Variants in EVA1A observed in about 807,000 individuals in gnomAD.
EVA1A encodes eva-1 homolog A, regulator of programmed cell death, also known as protein eva-1 homolog A.
EVA1A carries 7 observed loss-of-function variants against 9.8 expected under a neutral mutation model. The ratio of observed to expected loss-of-function variants is 0.71; its 90% CI spans 0.41 to 1.34. The LOEUF is 1.34. EVA1A is among the 40% of genes most tolerant of loss of function. The pLI is 0.01. For missense variants in EVA1A, 206 were observed against 205.9 expected (o/e 1.00, Z 0.00); for synonymous variants, 90 against 85.6 (o/e 1.05, Z -0.28).
chr2:75,525,876 C>T (rs1448744436), intron 1 of EVA1A, among the ~76,000 whole-genome samples: 1 of 152,230 alleles, frequency 6.6e-6, no homozygotes, highest in Non-Finnish European at 1.5e-5. Flanking sequence ...CTGAAGCCTT[C>T]ACTTAGCACT....
At chr2:75,557,709 G>T (rs1357906699) in intron 1 of EVA1A, among the ~76,000 whole-genome samples, 2 of 152,198 alleles carry the variant, frequency 1.3e-5, no homozygotes, top group African/African-American at 4.8e-5. Context: ...TCCTCTTCTA[G>T]CCCTGACTAT....
intron 3 of EVA1A, among the ~76,000 whole-genome samples, chr2:75,507,669 G>C (rs796257647): frequency 6.6e-6 from 1 of 152,106 alleles, no homozygotes; most frequent in Non-Finnish European, 1.5e-5. Context: ...AGCCCAAACT[G>C]TTCCTCAATC....
intron 1 of EVA1A, among the ~76,000 whole-genome samples, chr2:75,559,199 A>T (rs1037883167): frequency 1.3e-5 from 2 of 152,194 alleles, no homozygotes; most frequent in African/African-American, 2.4e-5. Context: ...TGTGCAATAC[A>T]GGATGTGGCA....
intron 1 of EVA1A, among the ~76,000 whole-genome samples, chr2:75,558,111 G>T (rs1341147388): frequency 6.6e-6 from 1 of 152,078 alleles, no homozygotes; most frequent in Non-Finnish European, 1.5e-5. Flanking sequence ...CTGGAAAAAA[G>T]GGCAATACCA....
intron 1 of EVA1A, among the ~76,000 whole-genome samples, chr2:75,548,114 CTT>C (rs1314095190): frequency 6.6e-6 from 1 of 152,224 alleles, no homozygotes; most frequent in Admixed American, 6.5e-5. Flanking sequence ...CCTTGCCTGT[CTT>C]TCCTAGCTCA....
At chr2:75,511,348 T>C (rs1674804600) in intron 3 of EVA1A, among the ~76,000 whole-genome samples, 1 of 152,206 alleles carries the variant, frequency 6.6e-6, no homozygotes, top group Non-Finnish European at 1.5e-5. Flanking sequence ...GCTCTGTTTG[T>C]TGCTCAGTTT....
intron 1 of EVA1A, among the ~76,000 whole-genome samples, chr2:75,566,531 T>G (rs981717359): frequency 6.6e-6 from 1 of 152,214 alleles, no homozygotes; most frequent in Non-Finnish European, 1.5e-5. Context: ...CCTTTTTAAA[T>G]GTAATGTGCC....
intron 1 of EVA1A, among the ~76,000 whole-genome samples, chr2:75,528,505 C>T (rs1057104366): frequency 5.9e-5 from 9 of 152,142 alleles, no homozygotes; most frequent in Admixed American, 5.2e-4. Context: ...CGGCTTTCCC[C>T]GACTTCCCTG....
intron 1 of EVA1A, among the ~76,000 whole-genome samples, chr2:75,524,464 G>A (rs1675348503): frequency 6.6e-6 from 1 of 151,420 alleles, no homozygotes; most frequent in Non-Finnish European, 1.5e-5. Flanking sequence ...TCAACCTCAC[G>A]CCTAACTCCC....
At chr2:75,564,428 C>A (rs1676987437), upstream of EVA1A, among the ~76,000 whole-genome samples, 1 of 152,200 alleles carries the variant, frequency 6.6e-6, no homozygotes, top group African/African-American at 2.4e-5. Flanking sequence ...GTGTGAGCAG[C>A]CTTGCAGATG....
At chr2:75,545,117 T>C (rs1308645777) in intron 1 of EVA1A, among the ~76,000 whole-genome samples, 1 of 152,216 alleles carries the variant, frequency 6.6e-6, no homozygotes, top group Non-Finnish European at 1.5e-5. Context: ...ACATAAGATT[T>C]CATTGAAGAG....
At chr2:75,523,934 G>T (rs1323475273) in intron 1 of EVA1A, 1 of 152,104 alleles carries the variant, frequency 6.6e-6, no homozygotes, top group Non-Finnish European at 1.5e-5. Flanking sequence ...ATCCCCAACT[G>T]TTGTAGGAGG....
intron 3 of EVA1A, among the ~76,000 whole-genome samples, chr2:75,507,039 G>C (rs1376145793): frequency 1.3e-5 from 2 of 152,186 alleles, no homozygotes; most frequent in Non-Finnish European, 2.9e-5. Context: ...ATCTGTCCTG[G>C]ATCTGTGTTC....
rs1297683867 is a variant in EVA1A, at chr2:75,493,437, A to T, written c.258T>A (p.Asp86Glu). ...GATCGGACACGGTGTCCTCACTGCC[A>T]TCCTCGCTGTCGCTGCTGTCGCTGC... ...ESSSDSSDSE[D>E]GSEDTVSDLS... The change falls in exon 4 of 4, where the codon GAT becomes GAA. Residue 86 changes from aspartate (D) to glutamate (E), a missense_variant. Physicochemically the swap from Asp to Glu is conservative, Grantham distance 45. Coordinates refer to ENST00000393913, the MANE Select transcript of EVA1A (RefSeq NM_001135032.2). The T allele has an allele frequency of 3.1e-6, 5 of 1,613,604 alleles. No individual in the cohort carries two copies. The South Asian group carries it at 5.5e-5, about 18-fold the overall frequency.
At chr2:75,497,738 C>A (rs185179383) in intron 3 of EVA1A, among the ~76,000 whole-genome samples, 38 of 148,778 alleles carry the variant, frequency 2.6e-4, no homozygotes, top group African/African-American at 9.2e-4. Context: ...GTAGTCCCAG[C>A]TACTTCTGGG....
At chr2:75,526,339 G>A (rs1225950634) in intron 1 of EVA1A, 2 of 152,188 alleles carry the variant, frequency 1.3e-5, no homozygotes, top group Non-Finnish European at 2.9e-5. Flanking sequence ...TGAATGTTGA[G>A]CAACTGCATA....
chr2:75,501,024 CAA>C (rs78473697), intron 3 of EVA1A, among the ~76,000 whole-genome samples: 17 of 131,548 alleles, frequency 1.3e-4, no homozygotes, highest in Admixed American at 1.6e-4. Context: ...ATTACTTTTA[CAA>C]AAAAAAAAAA....
chr2:75,493,698 C>T lies in EVA1A; in HGVS notation c.86-89G>A, dbSNP rs975307002. Reference sequence around the variant, plus strand: ...TATGACTCCAGCCTACACTTCTCACCAGGCCCCAAAGTTTTGATGGTTACA... The same window carrying T: ...TATGACTCCAGCCTACACTTCTCACTAGGCCCCAAAGTTTTGATGGTTACA... On this transcript the variant is annotated intron_variant, in intron 3 of 3. Coordinates refer to ENST00000393913, the MANE Select transcript of EVA1A (RefSeq NM_001135032.2). The T allele has an allele frequency of 6.1e-6, 8 of 1,304,034 alleles. No individual in the cohort carries two copies. In the African/African-American group the frequency reaches 8.9e-5, roughly 14 times the overall value. The allele number at this position is 1,304,034 out of a possible 1,614,324, so 80.8% of individuals were successfully genotyped here.
chr2:75,493,589 G>A lies in EVA1A; in HGVS notation c.106C>T (p.Leu36=), dbSNP rs369120834. 23 of 1,598,450 alleles carry A rather than the reference G, an allele frequency of 1.4e-5. No homozygotes were observed. In the East Asian group the frequency reaches 2.7e-4, roughly 19 times the overall value. The part of the protein sequence containing the change: ...FVSENPERAA[L]YFVSGVCIGL... ...ATGCACACGCCAGAAACAAAGTACA[G>A]AGCTGCTCGCTCAGGATTTTCTGGA... Residue 36 remains leucine (L), a synonymous_variant, in exon 4 of 4, where the codon CTG becomes TTG. Coordinates refer to ENST00000393913, the MANE Select transcript of EVA1A (RefSeq NM_001135032.2).
Sources: allele counts gnomAD v4.1 joint callset (sites outside exome capture counted in the v4.1 genomes callset), GRCh38; gene constraint gnomAD v4.1.1; transcripts MANE v1.5; gene names NCBI Gene and HGNC (gene_info 2026-07-23, HGNC 2026-07-21).